Variants in FNDC3A observed in about 807,000 individuals in gnomAD.
FNDC3A encodes the protein fibronectin type III domain containing 3A, also known as fibronectin type-III domain-containing protein 3A.
Under a neutral mutation model 148.9 loss-of-function variants are expected in FNDC3A, and 32 were observed. The ratio of observed to expected loss-of-function variants is 0.21; its 90% CI spans 0.16 to 0.29. The LOEUF is 0.29. FNDC3A is among the 10% of genes least tolerant of loss of function. The pLI, the probability that FNDC3A is intolerant of heterozygous loss-of-function variation, is 1.00. For missense variants in FNDC3A, 1,191 were observed against 1,452.8 expected (o/e 0.82, Z 2.93); for synonymous variants, 472 against 473.6 (o/e 1.00, Z 0.04).
At chr13:49,140,520 T>G (rs1392787001) in intron 7 of FNDC3A, among the ~76,000 whole-genome samples, 2 of 152,348 alleles carry the variant, frequency 1.3e-5, no homozygotes, top group Admixed American at 1.3e-4. Context: ...TGCCGATTCC[T>G]CTTTGATTAA....
At chr13:49,192,625 C>T (rs1480186886) in intron 19 of FNDC3A, among the ~76,000 whole-genome samples, 1 of 152,102 alleles carries the variant, frequency 6.6e-6, no homozygotes, top group East Asian at 1.9e-4. Context: ...AATTTATATA[C>T]TTAGGCTGCT....
At chr13:49,110,317 G>C in intron 3 of FNDC3A, 1 of 1,539,286 alleles carries the variant, frequency 6.5e-7, no homozygotes, top group East Asian at 2.3e-5. Flanking sequence ...AAAAAAAGCC[G>C]TTCTCCAATT....
At chr13:49,161,176 G>T (rs1884086893) in intron 8 of FNDC3A, among the ~76,000 whole-genome samples, 1 of 152,144 alleles carries the variant, frequency 6.6e-6, no homozygotes, top group African/African-American at 2.4e-5. Flanking sequence ...GGGTATCCTT[G>T]TTAACTTTCT....
intron 3 of FNDC3A, among the ~76,000 whole-genome samples, chr13:49,075,813 C>T (rs1878062369): frequency 7.3e-6 from 1 of 136,974 alleles, no homozygotes; most frequent in Non-Finnish European, 1.6e-5. Context: ...CCCCCCACCC[C>T]CACCCCCACC....
intron 2 of FNDC3A, among the ~76,000 whole-genome samples, chr13:49,061,802 TCTCTCCTCTCCTCTC>T (rs569457919): frequency 2.1e-4 from 8 of 38,330 alleles, no homozygotes; most frequent in African/African-American, 7.3e-4. Flanking sequence ...CCTCTCCTCT[TCTCTCCTCTCCTCTC>T]CTCTCCTCTC....
chr13:48,987,115 C>G (rs1593439499), intron 1 of FNDC3A, among the ~76,000 whole-genome samples: 1 of 152,116 alleles, frequency 6.6e-6, no homozygotes, highest in African/African-American at 2.4e-5. Context: ...AATATAAAAA[C>G]TAAAGTTTTA....
chr13:49,112,590 G>A (rs1035156399), intron 3 of FNDC3A, among the ~76,000 whole-genome samples: 1 of 152,138 alleles, frequency 6.6e-6, no homozygotes, highest in African/African-American at 2.4e-5. Flanking sequence ...TTGTTCTTAA[G>A]CCTCAAATTA....
At chr13:49,133,034 A>AAAATTG (rs2137929368) in intron 5 of FNDC3A, among the ~76,000 whole-genome samples, 1 of 152,342 alleles carries the variant, frequency 6.6e-6, no homozygotes, top group South Asian at 2.1e-4. Flanking sequence ...CTTCAAATAC[A>AAAATTG]AAATTGAAAT....
chr13:49,203,944 G>A (rs1330881223), intron 25 of FNDC3A, among the ~76,000 whole-genome samples: 2 of 152,166 alleles, frequency 1.3e-5, no homozygotes, highest in Non-Finnish European at 2.9e-5. Context: ...TTTACTCCAC[G>A]TGAAATGAGA....
intron 2 of FNDC3A, among the ~76,000 whole-genome samples, chr13:49,031,980 A>G (rs1187063343): frequency 6.6e-6 from 1 of 152,224 alleles, no homozygotes; most frequent in Non-Finnish European, 1.5e-5. Context: ...AGGTGGGCAA[A>G]AGATTTGAAA....
chr13:49,085,736 T>A (rs1272609401), intron 3 of FNDC3A, among the ~76,000 whole-genome samples: 1 of 152,130 alleles, frequency 6.6e-6, no homozygotes, highest in Admixed American at 6.5e-5. Flanking sequence ...AAGGCACAGG[T>A]CTGGGAGTAA....
In FNDC3A at chr13:49,006,144, T is replaced by C. The variant is rs780817592; in HGVS notation, c.-39-8T>C. On this transcript the variant is annotated splice_polypyrimidine_tract_variant and splice_region_variant and intron_variant, in intron 1 of 25. Transcript: ENST00000492622. ...ACTTACAAATGACTATATATGTTTG[T>C]TTTTCAGAATTGGAGCGTTATTCAG... The C allele has an allele frequency of 9.6e-6, 10 of 1,040,276 alleles. No homozygotes were observed. In the African/African-American group the frequency reaches 1.4e-4, roughly 15 times the overall value. The allele number at this position is 1,040,276 out of a possible 1,614,324, so 64.4% of individuals were successfully genotyped here. A position where few individuals can be genotyped will look rare whatever the true frequency, so the allele number is the denominator to read the frequency against.
intron 7 of FNDC3A, among the ~76,000 whole-genome samples, chr13:49,142,882 CAG>C (rs1249080445): frequency 6.6e-6 from 1 of 152,122 alleles, no homozygotes; most frequent in African/African-American, 2.4e-5. Context: ...CTTTTTGAGA[CAG>C]AGTCTTGCTC....
chr13:49,208,021 AGT>A lies in FNDC3A; in HGVS notation c.*627_*628del, dbSNP rs1886733701. 1 of 152,588 alleles carries A rather than the reference AGT, an allele frequency of 6.6e-6. No homozygotes were observed. The highest frequency in any genetic ancestry group is 1.5e-5 in the Non-Finnish European group (1 of 68,032). The allele number at this position is 152,588 out of a possible 1,614,324, so 9.5% of individuals were successfully genotyped here. ...ATATATATTCATGAATTCACAGATAAGTACTTAAAGAACAGACAGTTTACTTG... is the reference window on the plus strand; with the variant it reads ...ATATATATTCATGAATTCACAGATAAACTTAAAGAACAGACAGTTTACTTG... On this transcript the variant is annotated 3_prime_UTR_variant, in exon 26 of 26. Transcript: ENST00000492622.
At chr13:49,154,175 T>C (rs1184737769) in intron 8 of FNDC3A, among the ~76,000 whole-genome samples, 1 of 149,876 alleles carries the variant, frequency 6.7e-6, no homozygotes, top group East Asian at 2.0e-4. Context: ...TCCATTTGTT[T>C]GTATCCTCTT....
intron 8 of FNDC3A, among the ~76,000 whole-genome samples, chr13:49,166,690 A>C (rs1035371008): frequency 6.6e-6 from 1 of 152,156 alleles, no homozygotes; most frequent in Non-Finnish European, 1.5e-5. Flanking sequence ...CACACTGGAC[A>C]ACCTTTCTAG....
intron 8 of FNDC3A, among the ~76,000 whole-genome samples, chr13:49,159,025 T>C (rs1240232001): frequency 6.6e-6 from 1 of 152,216 alleles, no homozygotes; most frequent in African/African-American, 2.4e-5. Flanking sequence ...TACTGTAGCC[T>C]TGTAGTATAG....
intron 25 of FNDC3A, among the ~76,000 whole-genome samples, chr13:49,206,341 A>AAC (rs1886643009): frequency 6.6e-6 from 1 of 151,056 alleles, no homozygotes; most frequent in African/African-American, 2.4e-5. Context: ...ATAGCTTCTT[A>AAC]TTTATGCCTA....
chr13:49,206,996 A>G (rs1225400691), intron 25 of FNDC3A, 85 bp from the exon 26 acceptor site: 4 of 963,250 alleles, frequency 4.2e-6, no homozygotes, highest in Non-Finnish European at 6.3e-6. Context: ...TTTCACATGA[A>G]AAACAATTCT....
Sources: allele counts gnomAD v4.1 joint callset (sites outside exome capture counted in the v4.1 genomes callset), GRCh38; gene constraint gnomAD v4.1.1; transcripts MANE v1.5; gene names NCBI Gene and HGNC (gene_info 2026-07-23, HGNC 2026-07-21).